Variants in ROBO1 observed in about 807,000 individuals in gnomAD.
The protein encoded by ROBO1 is roundabout guidance receptor 1.
Under a neutral mutation model 195.9 loss-of-function variants are expected in ROBO1, and 149 were observed. The observed-to-expected ratio is 0.76, with a 90% CI of 0.67 to 0.87. The LOEUF (loss-of-function observed/expected upper bound fraction) is 0.87, where lower values mean the gene tolerates loss of function less well. ROBO1 is among the 40% of genes least tolerant of loss of function. The probability of loss-of-function intolerance (pLI) is 0.00; values close to 1 mark genes in which losing one functional copy is unlikely to be tolerated. For synonymous variants in ROBO1, 816 were observed against 733.2 expected, an observed-to-expected ratio of 1.11 and a Z score of -1.82; for missense variants, 1,933 against 2,068.3, an observed-to-expected ratio of 0.93 and a Z score of 1.27.
intron 1 of ROBO1, among the ~76,000 whole-genome samples, chr3:79,630,550 T>C (rs1240391146): frequency 6.6e-6 from 1 of 151,880 alleles, no homozygotes; most frequent in African/African-American, 2.4e-5. Flanking sequence ...ATGGGAAAAA[T>C]TTGAAACATT....
intron 1 of ROBO1, among the ~76,000 whole-genome samples, chr3:79,683,938 T>A (rs369802684): frequency 6.6e-6 from 1 of 152,132 alleles, no homozygotes; most frequent in Admixed American, 6.6e-5. Flanking sequence ...AGTGGACACA[T>A]GCTTTCAATT....
At position 78,799,322 on chromosome 3, in the gene ROBO1, C is replaced by T. The variant is rs144161966; in HGVS notation, c.500-52422G>A. On this transcript the variant is annotated intron_variant, in intron 4 of 30. Transcript: ENST00000464233. Reference sequence around the variant, plus strand: ...TAGTTTTAGAAAGTGAGTTCACCTACTCTACCATTTTTGTTTTTTTGTTTT... The same window carrying T: ...TAGTTTTAGAAAGTGAGTTCACCTATTCTACCATTTTTGTTTTTTTGTTTT... Among the ~76,000 whole-genome samples the T allele has an allele frequency of 5.4e-3, 812 of 151,676 alleles. 7 individuals carry two copies. The highest frequency in any genetic ancestry group is 0.018 in the African/African-American group (756 of 41,422).
At chr3:79,488,221 A>G (rs1203541828) in intron 2 of ROBO1, among the ~76,000 whole-genome samples, 1 of 152,224 alleles carries the variant, frequency 6.6e-6, no homozygotes, top group Non-Finnish European at 1.5e-5. Context: ...AAAATTGTAT[A>G]ACTTTAAATA....
intron 3 of ROBO1, among the ~76,000 whole-genome samples, chr3:79,065,955 T>G (rs2108419841): frequency 6.6e-6 from 1 of 152,032 alleles, no homozygotes; most frequent in South Asian, 2.1e-4. Context: ...ATTGATGAAT[T>G]TAGGCAGCTA....
At chr3:79,680,251 C>A (rs1244448972) in intron 1 of ROBO1, among the ~76,000 whole-genome samples, 1 of 151,954 alleles carries the variant, frequency 6.6e-6, no homozygotes, top group Non-Finnish European at 1.5e-5. Context: ...TATAAATTCA[C>A]CCAACTCTAA....
intron 2 of ROBO1, among the ~76,000 whole-genome samples, chr3:79,374,157 G>T (rs538315310): frequency 6.6e-6 from 1 of 152,096 alleles, no homozygotes; most frequent in Non-Finnish European, 1.5e-5. Context: ...AGTGAAATTC[G>T]GAGTTCCTTC....
At chr3:79,050,163 A>T (rs2078669678) in intron 3 of ROBO1, among the ~76,000 whole-genome samples, 1 of 152,174 alleles carries the variant, frequency 6.6e-6, no homozygotes, top group Non-Finnish European at 1.5e-5. Flanking sequence ...TCACGTGCAG[A>T]AACACACATA....
At chr3:79,378,957 C>T (rs572795986) in intron 2 of ROBO1, among the ~76,000 whole-genome samples, 1 of 152,208 alleles carries the variant, frequency 6.6e-6, no homozygotes, top group Admixed American at 6.5e-5. Context: ...TTAATAGTGC[C>T]TTTACTAACT....
intron 4 of ROBO1, among the ~76,000 whole-genome samples, chr3:78,808,092 T>TA (rs1197672211): frequency 5.9e-5 from 9 of 152,192 alleles, no homozygotes; most frequent in African/African-American, 1.9e-4. Flanking sequence ...AAATTTGTTA[T>TA]AAAAAATAAC....
chr3:78,919,167 G>A (rs2038799348), intron 4 of ROBO1, among the ~76,000 whole-genome samples: 1 of 152,144 alleles, frequency 6.6e-6, no homozygotes, highest in South Asian at 2.1e-4. Flanking sequence ...GGAGATTATG[G>A]TTACGTGAGC....
chr3:79,126,427 G>T (rs1015285551), intron 2 of ROBO1, among the ~76,000 whole-genome samples: 1 of 152,126 alleles, frequency 6.6e-6, no homozygotes, highest in East Asian at 1.9e-4. Context: ...AGTAGCAGAG[G>T]AGCAGTATGT....
chr3:79,634,131 T>A (rs1320811440), intron 1 of ROBO1, among the ~76,000 whole-genome samples: 1 of 152,212 alleles, frequency 6.6e-6, no homozygotes, highest in African/African-American at 2.4e-5. Context: ...AACAGTCTGA[T>A]TATTTCAACA....
intron 2 of ROBO1, among the ~76,000 whole-genome samples, chr3:79,469,594 C>G (rs1281341455): frequency 6.6e-6 from 1 of 152,184 alleles, no homozygotes; most frequent in Middle Eastern, 3.2e-3. Flanking sequence ...ACTGTGCTTG[C>G]CTGGGCAGCT....
chr3:79,426,861 ATG>A, intron 2 of ROBO1, among the ~76,000 whole-genome samples: 1 of 152,306 alleles, frequency 6.6e-6, no homozygotes, highest in East Asian at 1.9e-4. Flanking sequence ...AATAATGAAA[ATG>A]AAAAAACAAG....
At chr3:79,609,714 C>A (rs768432030) in intron 1 of ROBO1, among the ~76,000 whole-genome samples, 2 of 151,676 alleles carry the variant, frequency 1.3e-5, no homozygotes, top group Non-Finnish European at 2.9e-5. Context: ...ATGGAAGAAC[C>A]ATCGAGACAT....
At chr3:79,389,237 AATAAT>A (rs1235574135) in intron 2 of ROBO1, among the ~76,000 whole-genome samples, 4 of 152,166 alleles carry the variant, frequency 2.6e-5, no homozygotes, top group East Asian at 3.9e-4. Flanking sequence ...ACATAAAATG[AATAAT>A]ATAACTATAA....
chr3:79,700,311 G>A (rs866101309), intron 1 of ROBO1, among the ~76,000 whole-genome samples: 2 of 90,058 alleles, frequency 2.2e-5, no homozygotes, highest in South Asian at 8.3e-4. Flanking sequence ...GTTTGTGTGT[G>A]TGTGTTTGTG....
Position 79,589,859 on chromosome 3 carries a change from G to A in ROBO1, c.53C>T (p.Ser18Phe), listed in dbSNP as rs1943942533. The A allele has an allele frequency of 2.5e-6, 4 of 1,611,102 alleles. No individual in the cohort carries two copies. The highest frequency in any genetic ancestry group is 3.4e-6 in the Non-Finnish European group (4 of 1,177,938). Residue 18 changes from serine to phenylalanine, a missense_variant, in exon 2 of 31, where the codon TCC becomes TTC. Coordinates refer to ENST00000464233, the MANE Select transcript of ROBO1 (RefSeq NM_002941.4). ...CTGGGCCAGAAACAGGTGATTTGGG[G>A]ATAAGCTGAGGAGTGATATCATGAC... ...FLVMISLLSLSPNHLFLAQLI... is the reference protein window; with the variant it reads ...FLVMISLLSLFPNHLFLAQLI...
chr3:78,916,715 T>A (rs895493189), intron 4 of ROBO1, among the ~76,000 whole-genome samples: 3 of 152,308 alleles, frequency 2.0e-5, no homozygotes, highest in African/African-American at 4.8e-5. Context: ...GGTATTATAA[T>A]CATTCGATTT....
Sources: allele counts gnomAD v4.1 joint callset (sites outside exome capture counted in the v4.1 genomes callset), GRCh38; gene constraint gnomAD v4.1.1; transcripts MANE v1.5; gene names NCBI Gene and HGNC (gene_info 2026-07-23, HGNC 2026-07-21).